JAGN1: variants seen among roughly 807,000 people sequenced by gnomAD.
The protein encoded by JAGN1 is jagunal vesicle mediated transporter 1, also known as protein jagunal homolog 1.
In JAGN1, 13 loss-of-function variants were observed where a neutral mutation model predicts 17.1. The ratio of observed to expected loss-of-function variants is 0.76; its 90% confidence interval spans 0.49 to 1.21. The LOEUF (loss-of-function observed/expected upper bound fraction) is 1.21, where lower values mean the gene tolerates loss of function less well. Among genes scored for constraint, JAGN1 ranks in the 50% most tolerant of loss-of-function variants. The pLI, the probability that JAGN1 is intolerant of heterozygous loss-of-function variation, is 0.00. For synonymous variants in JAGN1, 111 were observed against 91.0 expected, an observed-to-expected ratio of 1.22 and a Z score of -1.25; for missense variants, 256 against 234.2, an observed-to-expected ratio of 1.09 and a Z score of -0.61.
At position 9,890,657 on chromosome 3, in the gene JAGN1, G is replaced by C. The variant is rs2082555311; in HGVS notation, c.-66G>C. 1 of 1,486,164 alleles carries C rather than the reference G, an allele frequency of 6.7e-7. No individual in the cohort carries two copies. The highest frequency in any genetic ancestry group is 1.2e-5 in the South Asian group (1 of 81,742). The allele number at this position is 1,486,164 out of a possible 1,614,324, so 92.1% of individuals were successfully genotyped here. On this transcript the variant is annotated 5_prime_UTR_variant, in exon 1 of 2. Transcript: ENST00000647897. The stretch of plus-strand genomic sequence containing the variant: ...GCGGGGGCGCAAATAGGGTCAGTGG[G>C]CCGCTTGGCGGTGTCGTTGCGGTAC...
rs279543 is a variant in JAGN1, at chr3:9,893,579, A to G, written c.*202A>G. 0.49 allele frequency: 266,666 copies of G among 548,602 alleles called. 68,725 individuals carry two copies. The highest frequency in any genetic ancestry group is 0.54 in the Non-Finnish European group (169,015 of 311,912). 34.0% of individuals were successfully genotyped at this position (548,602 alleles called of 1,614,324 possible). A position where few individuals can be genotyped will look rare whatever the true frequency, so the allele number is the denominator to read the frequency against. On this transcript the variant is annotated 3_prime_UTR_variant, in exon 2 of 2. Transcript: ENST00000647897. ...CCTGGTTGGCTAGAACTGGGTGACC[A>G]ACAGCTATGAAACAAATTTCAGCTG... is the stretch of plus-strand genomic sequence containing the variant.
chr3:9,890,648 G>T lies in JAGN1; in HGVS notation c.-75G>T. ...CGCGCGGCTGCGGGGGCGCAAATAG[G>T]GTCAGTGGGCCGCTTGGCGGTGTCG... On this transcript the variant is annotated 5_prime_UTR_variant, in exon 1 of 2. Transcript: ENST00000647897. 7.1e-7 allele frequency: 1 copy of T among 1,406,932 alleles called. No individual in the cohort carries two copies. Among genetic ancestry groups the T allele is most frequent in the Non-Finnish European group, 9.8e-7 (1 of 1,024,794 alleles). The allele number at this position is 1,406,932 out of a possible 1,614,324, so 87.2% of individuals were successfully genotyped here.
rs528473640 is a variant in JAGN1 at position 9,892,963 on chromosome 3, C to G, written c.138C>G (p.Val46=). 6.2e-7 allele frequency: 1 copy of G among 1,614,002 alleles called. No homozygotes were observed. Among genetic ancestry groups the G allele is most frequent in the Non-Finnish European group, 8.5e-7 (1 of 1,180,006 alleles). ...EIKKLIYVHL[V]IWLLLVAKMS... is the part of the protein sequence containing the mutation. ...AGAAGCTGATCTACGTACATCTGGT[C>G]ATATGGCTGCTGCTGGTTGCTAAGA... is the stretch of plus-strand genomic sequence containing the variant. Residue 46 remains valine, a synonymous_variant, in exon 2 of 2, where the codon GTC becomes GTG. Transcript: ENST00000647897.
Position 9,890,615 on chromosome 3 carries a change from C to T in JAGN1, c.-108C>T, listed in dbSNP as rs1188862845. On this transcript the variant is annotated 5_prime_UTR_variant, in exon 1 of 2. Transcript: ENST00000647897. The stretch of plus-strand genomic sequence containing the variant: ...AGACAGAGGGGCCGGAAGTTCTCTT[C>T]ACGGAGCCGCGCGGCTGCGGGGGCG... 4 of 1,056,286 alleles carry T rather than the reference C, an allele frequency of 3.8e-6. No individual in the cohort carries two copies. Among genetic ancestry groups the T allele is most frequent in the African/African-American group, 1.6e-5 (1 of 62,182 alleles). The allele number at this position is 1,056,286 out of a possible 1,614,324, so 65.4% of individuals were successfully genotyped here. A position where few individuals can be genotyped will look rare whatever the true frequency, so the allele number is the denominator to read the frequency against.
In JAGN1 at chr3:9,893,110, C is replaced by A; in HGVS notation, c.285C>A (p.Asn95Lys). The A allele has an allele frequency of 1.9e-6, 3 of 1,614,220 alleles. No individual in the cohort carries two copies. The highest frequency in any genetic ancestry group is 2.5e-6 in the Non-Finnish European group (3 of 1,180,036). ...TGGGCCTTCTCTCCTTTCCCCGCAACAACATTAGCTACCTGGTGCTCTCCA... is the reference window on the plus strand; with the variant it reads ...TGGGCCTTCTCTCCTTTCCCCGCAAAAACATTAGCTACCTGGTGCTCTCCA... ...SLLGLLSFPR[N>K]NISYLVLSMI... The change falls in exon 2 of 2, where the codon AAC becomes AAA. Residue 95 changes from asparagine to lysine, a missense_variant. Physicochemically the swap from Asn to Lys is moderately conservative, Grantham distance 94. Coordinates refer to ENST00000647897, the MANE Select transcript of JAGN1 (RefSeq NM_032492.4).
Position 9,893,384 on chromosome 3 carries a change from T to A in JAGN1, c.*7T>A. The A allele has an allele frequency of 6.3e-7, 1 of 1,598,166 alleles. No homozygotes were observed. Among genetic ancestry groups the A allele is most frequent in the Middle Eastern group, 1.7e-4 (1 of 5,954 alleles). On this transcript the variant is annotated 3_prime_UTR_variant, in exon 2 of 2. Coordinates refer to ENST00000647897, the MANE Select transcript of JAGN1 (RefSeq NM_032492.4). ...GGAGAAGAAGCATAAATGAAGCCTCTTTGGGGTGAAGCCTGGACATCCCAT... is the reference window on the plus strand; with the variant it reads ...GGAGAAGAAGCATAAATGAAGCCTCATTGGGGTGAAGCCTGGACATCCCAT...
chr3:9,893,347 C>A lies in JAGN1; in HGVS notation c.522C>A (p.Phe174Leu), dbSNP rs370035886. 6.2e-7 allele frequency: 1 copy of A among 1,613,428 alleles called. No homozygotes were observed. The highest frequency in any genetic ancestry group is 1.1e-5 in the South Asian group (1 of 90,998). Residue 174 changes from phenylalanine to leucine, a missense_variant, in exon 2 of 2, where the codon TTC becomes TTA. Phe to Leu is a conservative substitution (Grantham distance 22, BLOSUM62 0). Transcript: ENST00000647897. Reference sequence around the variant, plus strand: ...GCAAGAAGCTCCTAGACTCTTGGTTCACCAGCACACAGGAGAAGAAGCATA... The same window carrying A: ...GCAAGAAGCTCCTAGACTCTTGGTTAACCAGCACACAGGAGAAGAAGCATA... ...YYSKKLLDSW[F>L]TSTQEKKHK
At chr3:9,891,953 C>T (rs1221116517) in intron 1 of JAGN1, among the ~76,000 whole-genome samples, 1 of 152,184 alleles carries the variant, frequency 6.6e-6, no homozygotes, top group African/African-American at 2.4e-5. Context: ...TCCTATGGTG[C>T]AGTCAGCGTC....
At chr3:9,890,895 G>T (rs1046500482) in intron 1 of JAGN1, 84 bp downstream of exon 1, 268 of 1,228,914 alleles carry the variant, frequency 2.2e-4, no homozygotes, top group Non-Finnish European at 2.8e-4. Context: ...CCCGGCCTCA[G>T]GGTCTTGCTC....
At chr3:9,892,777 TTCC>T (rs950142889) in intron 1 of JAGN1, 135 bp from the exon 2 acceptor site, 10 of 613,848 alleles carry the variant, frequency 1.6e-5, no homozygotes, top group Non-Finnish European at 2.9e-5. Context: ...TAATTACTTT[TTCC>T]TCCTCTGTTC....
At position 9,894,177 on chromosome 3, in the gene JAGN1, A is replaced by G. The variant is rs533007993; in HGVS notation, c.*800A>G. 4 of 152,326 alleles carry G rather than the reference A, an allele frequency of 2.6e-5. No homozygotes were observed. The East Asian group carries it at 7.7e-4, about 29-fold the overall frequency. 9.4% of individuals were successfully genotyped at this position (152,326 alleles called of 1,614,324 possible). A position where few individuals can be genotyped will look rare whatever the true frequency, so the allele number is the denominator to read the frequency against. ...ATCAGTTATGAGTCTACTACTGTAT[A>G]ATGGCATCCAAAAGAATTTTAAAGT... On this transcript the variant is annotated 3_prime_UTR_variant, in exon 2 of 2. Transcript: ENST00000647897.
intron 1 of JAGN1, 114 bp downstream of exon 1, chr3:9,890,925 C>T (rs2082558423): frequency 3.4e-6 from 3 of 872,792 alleles, no homozygotes; most frequent in East Asian, 2.9e-5. Flanking sequence ...CCCCCGCTCA[C>T]CTGCCAAGTC....
At position 9,892,916 on chromosome 3, in the gene JAGN1, G is replaced by A; in HGVS notation, c.91G>A (p.Val31Met). 2 of 1,605,454 alleles carry A rather than the reference G, an allele frequency of 1.2e-6. No homozygotes were observed. The highest frequency in any genetic ancestry group is 1.7e-6 in the Non-Finnish European group (2 of 1,172,592). ...TTCTCCCTCTGCTCTGCCCCACAGT[G>A]TGACTCTCAAGTATGAAATCAAGAA... The part of the protein sequence containing the change: ...ERVAMHYQMS[V>M]TLKYEIKKLI... The change falls in exon 2 of 2, where the codon GTG becomes ATG. Residue 31 changes from valine (V) to methionine (M), a missense_variant and splice_region_variant. Transcript: ENST00000647897.
In JAGN1 at chr3:9,890,733, G is replaced by A; in HGVS notation, c.11G>A (p.Arg4Gln). 6.2e-7 allele frequency: 1 copy of A among 1,608,430 alleles called. No homozygotes were observed. Among genetic ancestry groups the A allele is most frequent in the Non-Finnish European group, 8.5e-7 (1 of 1,178,274 alleles). Reference sequence around the variant, plus strand: ...TTCTGGGCAGGCACAATGGCGTCTCGAGCAGGCCCGCGAGCGGCCGGCACC... The same window carrying A: ...TTCTGGGCAGGCACAATGGCGTCTCAAGCAGGCCCGCGAGCGGCCGGCACC... MAS[R>Q]AGPRAAGTDG... is the part of the protein sequence containing the mutation. The change falls in exon 1 of 2, where the codon CGA becomes CAA. Residue 4 changes from arginine to glutamine, a missense_variant. By Grantham distance (43) the Arg-to-Gln change is conservative (BLOSUM62 1). Transcript: ENST00000647897.
chr3:9,892,537 C>T (rs2082569974), intron 1 of JAGN1, among the ~76,000 whole-genome samples: 1 of 152,016 alleles, frequency 6.6e-6, no homozygotes, highest in African/African-American at 2.4e-5. Flanking sequence ...ACAATATGTT[C>T]CTGCCACACA....
Position 9,893,272 on chromosome 3 carries a change from C to T in JAGN1, c.447C>T (p.Tyr149=). ...GTTTTTCTGCCGTTTCCATCATGTA[C>T]CTGGTGTTGGTGTTGGCAGTGCAAG... ...LFGFSAVSIM[Y]LVLVLAVQVH... Residue 149 remains tyrosine, a synonymous_variant, in exon 2 of 2, where the codon TAC becomes TAT. Coordinates refer to ENST00000647897, the MANE Select transcript of JAGN1 (RefSeq NM_032492.4). 6.2e-7 allele frequency: 1 copy of T among 1,614,192 alleles called. No individual in the cohort carries two copies. Among genetic ancestry groups the T allele is most frequent in the Non-Finnish European group, 8.5e-7 (1 of 1,180,036 alleles).
Position 9,894,045 on chromosome 3 carries a change from A to G in JAGN1, c.*668A>G, listed in dbSNP as rs572587126. 26 of 152,520 alleles carry G rather than the reference A, an allele frequency of 1.7e-4. No homozygotes were observed. The highest frequency in any genetic ancestry group is 6.0e-4 in the African/African-American group (25 of 41,580). The allele number at this position is 152,520 out of a possible 1,614,324, so 9.4% of individuals were successfully genotyped here. A position where few individuals can be genotyped will look rare whatever the true frequency, so the allele number is the denominator to read the frequency against. ...GATTGGTAAGAACTATGGGCCAGAC[A>G]TTTAATCTCTCCATCTATGAAATAG... On this transcript the variant is annotated 3_prime_UTR_variant, in exon 2 of 2. Transcript: ENST00000647897.
chr3:9,892,530 A>G (rs2082569949), intron 1 of JAGN1, among the ~76,000 whole-genome samples: 1 of 151,884 alleles, frequency 6.6e-6, no homozygotes, highest in African/African-American at 2.4e-5. Flanking sequence ...CCCCCTAACA[A>G]TATGTTCCTG....
At chr3:9,892,640 G>A (rs894290002) in intron 1 of JAGN1, among the ~76,000 whole-genome samples, 5 of 152,088 alleles carry the variant, frequency 3.3e-5, no homozygotes, top group African/African-American at 7.2e-5. Context: ...CCTGAGCCTA[G>A]TTCAGATATC....
Sources: gnomAD v4.1 joint callset for allele counts (sites outside exome capture counted in the v4.1 genomes callset) on GRCh38, gnomAD v4.1.1 for gene constraint, MANE v1.5 for transcripts, NCBI Gene and HGNC (gene_info 2026-07-23, HGNC 2026-07-21) for gene names.